PAPPA2: variants seen among roughly 807,000 people sequenced by gnomAD.
PAPPA2 encodes pappalysin-2.
Under a neutral mutation model 176.4 loss-of-function variants are expected in PAPPA2, and 86 were observed. The ratio of observed to expected loss-of-function variants is 0.49; its 90% CI spans 0.41 to 0.58. PAPPA2 has a LOEUF of 0.58. Among genes scored for constraint, PAPPA2 ranks in the 20% least tolerant of loss-of-function variants. PAPPA2 has a pLI of 0.00. For missense variants in PAPPA2, 2,073 were observed against 2,256.9 expected (o/e 0.92, Z 1.65); for synonymous variants, 809 against 852.2 (o/e 0.95, Z 0.88).
chr1:176,663,517 G>A (rs1658464837), intron 3 of PAPPA2, among the ~76,000 whole-genome samples: 1 of 152,056 alleles, frequency 6.6e-6, no homozygotes, highest in Non-Finnish European at 1.5e-5. Flanking sequence ...ACTATAAAGT[G>A]TCACATTTAT....
chr1:176,831,552 C>T (rs917934024), intron 21 of PAPPA2, among the ~76,000 whole-genome samples: 3 of 152,178 alleles, frequency 2.0e-5, no homozygotes, highest in African/African-American at 7.2e-5. Flanking sequence ...CACTGCCCTC[C>T]TCCTGGCCTT....
chr1:176,817,051 C>T (rs927187090), intron 21 of PAPPA2, among the ~76,000 whole-genome samples: 3 of 152,108 alleles, frequency 2.0e-5, no homozygotes, highest in Non-Finnish European at 4.4e-5. Flanking sequence ...TCCTAGGAAT[C>T]CCCAGTCTGC....
intron 5 of PAPPA2, among the ~76,000 whole-genome samples, chr1:176,691,590 A>G (rs1011417186): frequency 6.6e-6 from 1 of 151,882 alleles, no homozygotes; most frequent in Admixed American, 6.6e-5. Context: ...CACTAAGAAA[A>G]CTCCCTTTCC....
chr1:176,754,358 C>T (rs1663320737), intron 14 of PAPPA2, among the ~76,000 whole-genome samples: 2 of 152,202 alleles, frequency 1.3e-5, no homozygotes, highest in East Asian at 1.9e-4. Flanking sequence ...TTCTTTAAGT[C>T]TCAACAATCT....
chr1:176,714,368 T>C (rs1215858652), intron 12 of PAPPA2, among the ~76,000 whole-genome samples: 1 of 150,778 alleles, frequency 6.6e-6, no homozygotes, highest in Non-Finnish European at 1.5e-5. Context: ...CAAAAAAGAA[T>C]ACTTTTTCTC....
intron 8 of PAPPA2, among the ~76,000 whole-genome samples, chr1:176,701,391 G>A (rs148880800): frequency 6.6e-5 from 10 of 152,262 alleles, no homozygotes; most frequent in South Asian, 2.1e-4. Context: ...GACAGAAACC[G>A]CCTTGTAAAG....
At chr1:176,694,018 C>G (rs1439345070) in intron 6 of PAPPA2, among the ~76,000 whole-genome samples, 11 of 152,202 alleles carry the variant, frequency 7.2e-5, no homozygotes, top group Non-Finnish European at 4.4e-5. Context: ...GCTTCCTTTT[C>G]TCAGCTAGGT....
intron 2 of PAPPA2, among the ~76,000 whole-genome samples, chr1:176,574,007 G>T (rs1390479550): frequency 6.6e-6 from 1 of 151,980 alleles, no homozygotes; most frequent in Non-Finnish European, 1.5e-5. Flanking sequence ...AGAGTGTCAT[G>T]TGACGCATCA....
intron 2 of PAPPA2, among the ~76,000 whole-genome samples, chr1:176,560,582 C>A (rs1039955645): frequency 6.6e-6 from 1 of 152,142 alleles, no homozygotes; most frequent in East Asian, 1.9e-4. Flanking sequence ...CAGCTCAGGG[C>A]CATGTGGCCA....
At position 176,467,785 on chromosome 1, in the gene PAPPA2, A is replaced by C. The variant is rs978846779; in HGVS notation, c.-917+4367A>C. Among the ~76,000 whole-genome samples, 3 of 152,330 alleles carry C rather than the reference A, an allele frequency of 2.0e-5. No homozygotes were observed. In the South Asian group the frequency reaches 6.2e-4, roughly 32 times the overall value. On this transcript the variant is annotated intron_variant, in intron 1 of 22. Coordinates refer to ENST00000367662, the MANE Select transcript of PAPPA2 (RefSeq NM_020318.3). Reference sequence around the variant, plus strand: ...ACCACTTTCTCAATTGGGTCTCATAACTGAGATGCTAGACACATAATTGGT... The same window carrying C: ...ACCACTTTCTCAATTGGGTCTCATACCTGAGATGCTAGACACATAATTGGT...
chr1:176,819,529 A>C (rs1488142107), intron 21 of PAPPA2, among the ~76,000 whole-genome samples: 1 of 152,164 alleles, frequency 6.6e-6, no homozygotes, highest in Non-Finnish European at 1.5e-5. Context: ...CTTATGAAAA[A>C]GTATCTCCCT....
intron 5 of PAPPA2, 186 bp downstream of exon 5, chr1:176,690,616 A>C: frequency 1.4e-6 from 2 of 1,400,892 alleles, no homozygotes; most frequent in East Asian, 2.6e-5. Context: ...AGAAATACTG[A>C]CATATTAAGG....
chr1:176,816,253 A>ATATG (rs373083517), intron 21 of PAPPA2, among the ~76,000 whole-genome samples: 123 of 138,140 alleles, frequency 8.9e-4, no homozygotes, highest in African/African-American at 3.3e-3. Context: ...ATATATATAT[A>ATATG]TATGTATGTA....
chr1:176,624,384 G>A (rs1655889354), intron 3 of PAPPA2, among the ~76,000 whole-genome samples: 2 of 152,168 alleles, frequency 1.3e-5, no homozygotes, highest in South Asian at 4.1e-4. Flanking sequence ...TCATGAGAGT[G>A]ACGGAACACT....
At chr1:176,600,593 G>A (rs968286020) in intron 3 of PAPPA2, among the ~76,000 whole-genome samples, 5 of 148,902 alleles carry the variant, frequency 3.4e-5, no homozygotes, top group East Asian at 2.0e-4. Context: ...GGAGAATGGC[G>A]TGAACCCGGG....
chr1:176,618,413 G>T lies in PAPPA2; in HGVS notation c.1991+22818G>T, dbSNP rs188177066. On this transcript the variant is annotated intron_variant, in intron 3 of 22. Transcript: ENST00000367662. ...CCATACCAAAATACTCAGAGAAAAAGACTTAATTGTATTTCAGTCAACCAC... is the reference window on the plus strand; with the variant it reads ...CCATACCAAAATACTCAGAGAAAAATACTTAATTGTATTTCAGTCAACCAC... Among the ~76,000 whole-genome samples, 12 of 152,296 alleles carry T rather than the reference G, an allele frequency of 7.9e-5. No homozygotes were observed. The East Asian group carries it at 2.3e-3, about 29-fold the overall frequency.
intron 20 of PAPPA2, among the ~76,000 whole-genome samples, chr1:176,799,187 C>A (rs942276302): frequency 6.6e-6 from 1 of 152,208 alleles, no homozygotes; most frequent in Middle Eastern, 3.4e-3. Flanking sequence ...ATGGAGAGAA[C>A]CTTCTTTTCT....
intron 20 of PAPPA2, among the ~76,000 whole-genome samples, chr1:176,796,744 CCT>C (rs764046171): frequency 5.4e-5 from 7 of 130,588 alleles, no homozygotes; most frequent in South Asian, 2.4e-4. Context: ...TCTCTTTCTC[CCT>C]CTCTCTTTTC....
chr1:176,726,064 G>C (rs1661855022), intron 12 of PAPPA2, among the ~76,000 whole-genome samples: 1 of 152,190 alleles, frequency 6.6e-6, no homozygotes. Flanking sequence ...ACAGGCGTGA[G>C]CCACCGCGCC....
Sources: gnomAD v4.1 joint callset for allele counts (sites outside exome capture counted in the v4.1 genomes callset) on GRCh38, gnomAD v4.1.1 for gene constraint, MANE v1.5 for transcripts, NCBI Gene and HGNC (gene_info 2026-07-23, HGNC 2026-07-21) for gene names.